SERINC5: variants seen among roughly 807,000 people sequenced by gnomAD.
SERINC5 encodes the protein serine incorporator 5, also known as chromosome 5 open reading frame 12.
In SERINC5, 41 loss-of-function variants were observed where a neutral mutation model predicts 63.1. The observed-to-expected ratio is 0.65, with a 90% CI of 0.51 to 0.84. The LOEUF (loss-of-function observed/expected upper bound fraction) is 0.84. Among genes scored for constraint, SERINC5 ranks in the 40% least tolerant of loss-of-function variants. The probability of loss-of-function intolerance (pLI) is 0.00; values close to 1 mark genes in which losing one functional copy is unlikely to be tolerated. For synonymous variants in SERINC5, 222 were observed against 215.2 expected (o/e 1.03, Z -0.28); for missense variants, 523 against 573.0 (o/e 0.91, Z 0.89).
chr5:80,155,715 C>T (rs1314173653), intron 8 of SERINC5, among the ~76,000 whole-genome samples: 2 of 151,952 alleles, frequency 1.3e-5, no homozygotes, highest in Non-Finnish European at 2.9e-5. Flanking sequence ...GCCTGGGTAA[C>T]ATAGTGAGAA....
chr5:80,129,475 TAAA>T (rs1483371322), intron 11 of SERINC5, among the ~76,000 whole-genome samples: 2 of 152,090 alleles, frequency 1.3e-5, no homozygotes, highest in Non-Finnish European at 2.9e-5. Context: ...GGATAAGTTT[TAAA>T]ACAATTTTTT....
At chr5:80,220,854 A>G (rs1750867778) in intron 1 of SERINC5, among the ~76,000 whole-genome samples, 1 of 151,908 alleles carries the variant, frequency 6.6e-6, no homozygotes, top group African/African-American at 2.4e-5. Context: ...GAGATGGAGG[A>G]GCCTGCTGGA....
At chr5:80,117,735 T>C (rs1435132418) in intron 11 of SERINC5, among the ~76,000 whole-genome samples, 1 of 151,584 alleles carries the variant, frequency 6.6e-6, no homozygotes, top group Non-Finnish European at 1.5e-5. Flanking sequence ...GAAAGTACTA[T>C]GTTGTCAGGG....
chr5:80,244,906 C>T (rs913530074), intron 1 of SERINC5, among the ~76,000 whole-genome samples: 3 of 152,172 alleles, frequency 2.0e-5, no homozygotes. Context: ...CTCATCCAGC[C>T]TCGACCTCCT....
At chr5:80,121,324 A>G (rs1483623250) in intron 11 of SERINC5, among the ~76,000 whole-genome samples, 1 of 152,238 alleles carries the variant, frequency 6.6e-6, no homozygotes, top group Non-Finnish European at 1.5e-5. Context: ...ACTTAAAGCC[A>G]GAGCAAGCAT....
intron 1 of SERINC5, among the ~76,000 whole-genome samples, chr5:80,208,079 G>A (rs760624857): frequency 1.3e-5 from 2 of 152,162 alleles, no homozygotes; most frequent in African/African-American, 2.4e-5. Flanking sequence ...TTGGAGAGAA[G>A]TGCCAGGGTT....
chr5:80,242,929 T>A (rs925253291), intron 1 of SERINC5, among the ~76,000 whole-genome samples: 2 of 152,150 alleles, frequency 1.3e-5, no homozygotes, highest in African/African-American at 4.8e-5. Flanking sequence ...TCTCAAAATG[T>A]TACACATTGT....
At chr5:80,173,223 AAAGAAGG>A (rs1386752417) in intron 5 of SERINC5, among the ~76,000 whole-genome samples, 10 of 132,014 alleles carry the variant, frequency 7.6e-5, no homozygotes, top group African/African-American at 2.8e-4. Context: ...GGCAGGAAGG[AAAGAAGG>A]AAGGAAGGAA....
At chr5:80,204,586 T>C (rs1750057386) in intron 1 of SERINC5, among the ~76,000 whole-genome samples, 2 of 152,164 alleles carry the variant, frequency 1.3e-5, no homozygotes, top group Non-Finnish European at 1.5e-5. Flanking sequence ...CAACCATCAA[T>C]GGTTTGGGAG....
chr5:80,138,702 T>C (rs1362087974), downstream of SERINC5: 1 of 494,646 alleles, frequency 2.0e-6, no homozygotes, highest in Non-Finnish European at 2.6e-6. Flanking sequence ...TATTCCTGAA[T>C]ATATACATAT....
intron 5 of SERINC5, among the ~76,000 whole-genome samples, chr5:80,171,538 G>T (rs1045126367): frequency 6.6e-6 from 1 of 152,110 alleles, no homozygotes; most frequent in East Asian, 1.9e-4. Context: ...ATTAAAAAAA[G>T]TTAAATAGAT....
At chr5:80,178,501 T>G (rs1443885358) in intron 2 of SERINC5, among the ~76,000 whole-genome samples, 1 of 148,800 alleles carries the variant, frequency 6.7e-6, no homozygotes, top group Non-Finnish European at 1.5e-5. Flanking sequence ...TAGCTGGGAC[T>G]ACAGGCACGC....
At chr5:80,212,846 TCA>T (rs1750498984) in intron 1 of SERINC5, among the ~76,000 whole-genome samples, 2 of 152,188 alleles carry the variant, frequency 1.3e-5, no homozygotes. Flanking sequence ...AGTTCCTAAC[TCA>T]CAAATGGTTG....
At chr5:80,174,290 C>A (rs1484101785) in intron 5 of SERINC5, among the ~76,000 whole-genome samples, 1 of 151,050 alleles carries the variant, frequency 6.6e-6, no homozygotes, top group African/African-American at 2.4e-5. Context: ...TCACTGAAGC[C>A]TGGGAAATCG....
intron 2 of SERINC5, among the ~76,000 whole-genome samples, chr5:80,185,553 T>C (rs541188984): frequency 3.5e-4 from 53 of 152,136 alleles, no homozygotes; most frequent in Admixed American, 7.9e-4. Flanking sequence ...GTGTGAGCAA[T>C]AAAAGCTTTT....
chr5:80,180,052 G>A (rs1173692700), intron 2 of SERINC5, among the ~76,000 whole-genome samples: 1 of 151,992 alleles, frequency 6.6e-6, no homozygotes, highest in Non-Finnish European at 1.5e-5. Context: ...GCTGTTAATT[G>A]GGTATTTTCT....
chr5:80,235,250 G>GT (rs1751631444), intron 1 of SERINC5, among the ~76,000 whole-genome samples: 3 of 152,164 alleles, frequency 2.0e-5, no homozygotes, highest in Admixed American at 2.0e-4. Context: ...CAACCACGTT[G>GT]TAGTATGTGA....
Position 80,143,657 on chromosome 5 carries a change from A to G in SERINC5, c.*6T>C. ...GCCCACAAAGCCCAGGGGACCGCCG[A>G]TATCATCACACAGAGAACTCCCGGG... On this transcript the variant is annotated 3_prime_UTR_variant, in exon 12 of 12. Coordinates refer to ENST00000507668, the MANE Select transcript of SERINC5 (RefSeq NM_001174072.3). The G allele has an allele frequency of 2.0e-6, 3 of 1,535,750 alleles. No individual in the cohort carries two copies. The highest frequency in any genetic ancestry group is 1.2e-5 in the South Asian group (1 of 84,052).
chr5:80,236,746 C>T (rs1017353134), intron 1 of SERINC5, among the ~76,000 whole-genome samples: 2 of 152,056 alleles, frequency 1.3e-5, no homozygotes, highest in Non-Finnish European at 2.9e-5. Flanking sequence ...AGGTTGGTCT[C>T]GAACTCCTGA....
Sources: gnomAD v4.1 joint callset for allele counts (sites outside exome capture counted in the v4.1 genomes callset) on GRCh38, gnomAD v4.1.1 for gene constraint, MANE v1.5 for transcripts, NCBI Gene and HGNC (gene_info 2026-07-23, HGNC 2026-07-21) for gene names.